Variants in DMD observed in about 807,000 individuals in gnomAD.
DMD encodes mutant dystrophin.
In DMD, 63 loss-of-function variants were observed where a neutral mutation model predicts 330.1. The ratio of observed to expected loss-of-function variants is 0.19; its 90% CI spans 0.16 to 0.24. The LOEUF is 0.24. Among genes scored for constraint, DMD ranks in the 10% least tolerant of loss-of-function variants. The probability of loss-of-function intolerance (pLI) is 1.00; values close to 1 mark genes in which losing one functional copy is unlikely to be tolerated. For missense variants in DMD, 3,344 were observed against 2,684.1 expected, an observed-to-expected ratio of 1.25 and a Z score of -5.43; for synonymous variants, 1,223 against 959.8, an observed-to-expected ratio of 1.27 and a Z score of -5.07.
intron 13 of DMD, among the ~76,000 whole-genome samples, chrX:32,591,741 C>T (rs982166826): frequency 3.6e-5 from 4 of 112,511 alleles, no homozygotes; most frequent in Non-Finnish European, 7.5e-5. Flanking sequence ...AGGGTGGGAG[C>T]CCCATGCTTC....
chrX:33,223,165 G>C (rs1209109568), intron 1 of DMD, among the ~76,000 whole-genome samples: 5 of 111,235 alleles, frequency 4.5e-5, no homozygotes, highest in Non-Finnish European at 9.4e-5. Context: ...ACAAAAATTA[G>C]CTGGGAGTGG....
chrX:33,338,706 T>C (rs1481003470), intron 1 of DMD, among the ~76,000 whole-genome samples: 1 of 111,159 alleles, frequency 9.0e-6, no homozygotes, highest in Non-Finnish European at 1.9e-5. Flanking sequence ...GCAGGAGATA[T>C]TGATATATTT....
In DMD at chrX:32,613,371, C is replaced by T. The variant is rs563123207; in HGVS notation, c.1482+932G>A. Among the ~76,000 whole-genome samples, 78 of 110,034 alleles carry T rather than the reference C, an allele frequency of 7.1e-4. No individual in the cohort carries two copies. In the Middle Eastern group the frequency reaches 0.018, roughly 26 times the overall value. On this transcript the variant is annotated intron_variant, in intron 12 of 78. Transcript: ENST00000357033. ...GAGCTAATTGTAATATTTTATGGCA[C>T]TTATTAAAATAAAGCACCCTCATAA...
chrX:31,292,013 T>C (rs1465101409), intron 62 of DMD, among the ~76,000 whole-genome samples: 1 of 111,474 alleles, frequency 9.0e-6, no homozygotes, highest in African/African-American at 3.3e-5. Flanking sequence ...ATAGTAAGTT[T>C]CTAGAAGATA....
intron 2 of DMD, among the ~76,000 whole-genome samples, chrX:32,929,079 C>A (rs759334298): frequency 6.3e-5 from 7 of 110,932 alleles, no homozygotes; most frequent in Admixed American, 1.9e-4. Flanking sequence ...GATATAGGAG[C>A]CTGGAAGCAG....
At chrX:32,750,053 C>T (rs1049565710) in intron 7 of DMD, among the ~76,000 whole-genome samples, 4 of 112,076 alleles carry the variant, frequency 3.6e-5, no homozygotes, top group African/African-American at 1.3e-4. Flanking sequence ...GTCACTTTTA[C>T]CCATGAAACC....
intron 4 of DMD, among the ~76,000 whole-genome samples, chrX:32,843,717 T>G (rs2080375996): frequency 9.0e-6 from 1 of 111,717 alleles, no homozygotes; most frequent in Non-Finnish European, 1.9e-5. Flanking sequence ...AGCTACTAAG[T>G]GCCTGGTGAA....
chrX:33,206,390 C>T lies in DMD; in HGVS notation c.31+4892G>A, dbSNP rs1277643002. 5.4e-5 allele frequency among the ~76,000 whole-genome samples: 6 copies of T among 111,399 alleles called. No individual in the cohort carries two copies. In the East Asian group the frequency reaches 1.7e-3, roughly 32 times the overall value. ...CAGCAACAACATTTTATCAGCATGG[C>T]AAGGAAATGACAACTCCATTTCAAT... On this transcript the variant is annotated intron_variant, in intron 1 of 78. Transcript: ENST00000357033.
At chrX:32,597,629 C>A (rs1370489172) in intron 12 of DMD, among the ~76,000 whole-genome samples, 3 of 111,754 alleles carry the variant, frequency 2.7e-5, no homozygotes, top group Admixed American at 1.9e-4. Context: ...CTGAAAAAAT[C>A]ATTTCCCCCT....
At chrX:31,381,503 C>G (rs1463783932) in intron 60 of DMD, among the ~76,000 whole-genome samples, 1 of 111,853 alleles carries the variant, frequency 8.9e-6, no homozygotes, top group African/African-American at 3.2e-5. Context: ...GCTCCTTCAG[C>G]TGTACTCACT....
chrX:32,816,014 G>A (rs1465340666), intron 6 of DMD, among the ~76,000 whole-genome samples: 4 of 111,241 alleles, frequency 3.6e-5, no homozygotes, highest in Non-Finnish European at 5.7e-5. Flanking sequence ...TAAGACAGAT[G>A]TTTCTTTCTC....
At chrX:32,316,335 A>G (rs2097582304) in intron 41 of DMD, among the ~76,000 whole-genome samples, 1 of 112,241 alleles carries the variant, frequency 8.9e-6, no homozygotes, top group South Asian at 3.6e-4. Context: ...TTTTCTTTCC[A>G]TTATAAAGAT....
intron 2 of DMD, among the ~76,000 whole-genome samples, chrX:33,000,294 C>A (rs1413628792): frequency 2.7e-5 from 3 of 111,369 alleles, no homozygotes; most frequent in Non-Finnish European, 3.8e-5. Flanking sequence ...TTGAACCTGG[C>A]TTCAAAAATA....
At chrX:31,851,287 TA>T (rs200485120) in intron 48 of DMD, among the ~76,000 whole-genome samples, 9,194 of 104,372 alleles carry the variant, frequency 0.088, 346 homozygotes, top group East Asian at 0.21. Context: ...AAGGGAGACT[TA>T]AAAAAAAAAA....
intron 4 of DMD, among the ~76,000 whole-genome samples, chrX:32,835,397 A>G (rs960807515): frequency 8.9e-6 from 1 of 112,638 alleles, no homozygotes; most frequent in African/African-American, 3.2e-5. Flanking sequence ...ATAGTCTCCC[A>G]TTTCTCAGGA....
Position 31,425,695 on chromosome X carries a change from T to TACACACACACACACACAC in DMD, c.9084+18785_9084+18786insGTGTGTGTGTGTGTGTGT, listed in dbSNP as rs58343053. Reference sequence around the variant, plus strand: ...CCAAACACAGACACACAGGCATGAGTACACACACACACACACGCACACAAT... The same window carrying TACACACACACACACACAC: ...CCAAACACAGACACACAGGCATGAGTACACACACACACACACACACACACACACACACACGCACACAAT... On this transcript the variant is annotated intron_variant, in intron 60 of 78. Transcript: ENST00000357033. Among the ~76,000 whole-genome samples the TACACACACACACACACAC allele has an allele frequency of 8.7e-3, 897 of 103,572 alleles. 15 individuals are homozygous for TACACACACACACACACAC. Among genetic ancestry groups the TACACACACACACACACAC allele is most frequent in the African/African-American group, 0.032 (839 of 26,085 alleles). 89.9% of individuals were successfully genotyped at this position (103,572 alleles called of 115,157 possible).
intron 1 of DMD, among the ~76,000 whole-genome samples, chrX:33,265,611 A>G (rs944068314): frequency 9.0e-6 from 1 of 111,548 alleles, no homozygotes; most frequent in Non-Finnish European, 1.9e-5. Flanking sequence ...ATCCCATTCT[A>G]TGATTCAGTC....
Position 32,736,481 on chromosome X carries a change from G to A in DMD, c.650-37188C>T, listed in dbSNP as rs780498583. On this transcript the variant is annotated intron_variant, in intron 7 of 78. Transcript: ENST00000357033. Reference sequence around the variant, plus strand: ...CACATGCACACGTATGTTTATTGCGGCATTATTCACGATAGCAAAGACTTG... The same window carrying A: ...CACATGCACACGTATGTTTATTGCGACATTATTCACGATAGCAAAGACTTG... 9.1e-5 allele frequency among the ~76,000 whole-genome samples: 10 copies of A among 110,324 alleles called. No homozygotes were observed. In the East Asian group the frequency reaches 2.3e-3, roughly 25 times the overall value.
intron 41 of DMD, among the ~76,000 whole-genome samples, chrX:32,336,096 G>A (rs1390096845): frequency 1.8e-5 from 2 of 108,305 alleles, no homozygotes; most frequent in Non-Finnish European, 3.8e-5. Flanking sequence ...TATAACGTGT[G>A]TATACGTACA....
Sources: gnomAD v4.1 joint callset for allele counts (sites outside exome capture counted in the v4.1 genomes callset) on GRCh38, gnomAD v4.1.1 for gene constraint, MANE v1.5 for transcripts, NCBI Gene and HGNC (gene_info 2026-07-23, HGNC 2026-07-21) for gene names.